Variants in EIF4E2 observed in about 807,000 individuals in gnomAD.
EIF4E2 encodes eukaryotic translation initiation factor 4E family member 2, also known as eukaryotic translation initiation factor 4E type 2.
In EIF4E2, 13 loss-of-function variants were observed where a neutral mutation model predicts 34.2. The ratio of observed to expected loss-of-function variants is 0.38; its 90% CI spans 0.25 to 0.60. EIF4E2 has a LOEUF of 0.60. Ranked by LOEUF, EIF4E2 falls within the 20% of genes least tolerant of loss-of-function variation. The pLI is 0.62. For missense variants in EIF4E2, 222 were observed against 315.1 expected (o/e 0.70, Z 2.24); for synonymous variants, 100 against 106.6 (o/e 0.94, Z 0.38).
intron 6 of EIF4E2, 86 bp from the exon 7 acceptor site, chr2:232,568,859 A>C: frequency 1.3e-5 from 20 of 1,585,324 alleles, no homozygotes; most frequent in Non-Finnish European, 1.6e-5. Context: ...CAGAAGACCA[A>C]CCCTCTTTGA....
intron 3 of EIF4E2, among the ~76,000 whole-genome samples, chr2:232,562,478 C>T (rs534767688): frequency 3.9e-5 from 6 of 151,934 alleles, no homozygotes; most frequent in South Asian, 2.1e-4. Flanking sequence ...CCCAGCTACT[C>T]GGGAGGCTGA....
intron 4 of EIF4E2, among the ~76,000 whole-genome samples, chr2:232,564,906 G>C (rs1416193782): frequency 6.6e-6 from 1 of 152,212 alleles, no homozygotes; most frequent in African/African-American, 2.4e-5. Context: ...AATGGTATTA[G>C]AACATTAAAG....
intron 6 of EIF4E2, among the ~76,000 whole-genome samples, chr2:232,578,969 TG>T (rs1448100885): frequency 3.9e-5 from 6 of 152,248 alleles, no homozygotes; most frequent in Admixed American, 3.9e-4. Flanking sequence ...AATGATTAGG[TG>T]GGCATAGACG....
rs1280657751 is a variant in EIF4E2, at chr2:232,566,332, GCCCACCA to G, written c.376-494_376-488del. 1.3e-5 allele frequency among the ~76,000 whole-genome samples: 2 copies of G among 152,026 alleles called. No homozygotes were observed. The highest frequency in any genetic ancestry group is 2.9e-5 in the Non-Finnish European group (2 of 67,996). On this transcript the variant is annotated intron_variant, in intron 4 of 6. Coordinates refer to ENST00000258416, the MANE Select transcript of EIF4E2 (RefSeq NM_004846.4). This position sits in a 1 kb window ranked among gnomAD's most constrained non-coding sequence, Gnocchi z 4.9. ...CTCCCGAGTAGCTGGGACTACAGGC[GCCCACCA>G]CCATGCCCGGCTAATTTTGTTTTTG... is the stretch of plus-strand genomic sequence containing the variant.
exon 7 of EIF4E2, chr2:232,582,713 G>A (rs1693387994): frequency 1.3e-5 from 2 of 152,242 alleles, no homozygotes; most frequent in African/African-American, 4.8e-5. Flanking sequence ...TGACTGTTGT[G>A]TGTGTGGGAA....
At chr2:232,555,940 G>A (rs1692501905) in intron 1 of EIF4E2, among the ~76,000 whole-genome samples, 1 of 56,274 alleles carries the variant, frequency 1.8e-5, no homozygotes. Context: ...GTGTCAGGAA[G>A]ACCAGGAATT....
chr2:232,559,824 T>TAAAAAAAGAAAAAAA, intron 3 of EIF4E2, among the ~76,000 whole-genome samples: 1 of 115,506 alleles, frequency 8.7e-6, no homozygotes, highest in African/African-American at 3.7e-5. Flanking sequence ...ACGGGAGCAT[T>TAAAAAAAGAAAAAAA]AAAAAAAAAA....
chr2:232,552,864 CT>C (rs1473287784), intron 1 of EIF4E2, among the ~76,000 whole-genome samples: 1 of 152,112 alleles, frequency 6.6e-6, no homozygotes, highest in Non-Finnish European at 1.5e-5. Flanking sequence ...ACTCCTGCCC[CT>C]AGTTTTATTT....
At chr2:232,567,323 GGACA>G in intron 6 of EIF4E2, 109 bp downstream of exon 6, 3 of 1,545,710 alleles carry the variant, frequency 1.9e-6, no homozygotes, top group Non-Finnish European at 2.6e-6. Context: ...TGTGGAGAAG[GGACA>G]GACCAGGCCT....
At chr2:232,564,596 GC>G (rs1443929515) in intron 4 of EIF4E2, among the ~76,000 whole-genome samples, 3 of 152,184 alleles carry the variant, frequency 2.0e-5, no homozygotes, top group Non-Finnish European at 4.4e-5. Context: ...GACTACAGGC[GC>G]CCACCACCGC....
chr2:232,556,665 A>G, intron 2 of EIF4E2, 135 bp downstream of exon 2: 2 of 668,218 alleles, frequency 3.0e-6, no homozygotes. Context: ...GTTCTCAGAA[A>G]AACATTGTGC....
intron 6 of EIF4E2, among the ~76,000 whole-genome samples, chr2:232,576,887 T>G (rs1362988956): frequency 6.6e-6 from 1 of 152,234 alleles, no homozygotes; most frequent in Non-Finnish European, 1.5e-5. Flanking sequence ...GCAGAGAAAC[T>G]GCTATTTAAA....
chr2:232,583,187 TA>T (rs2106260936), exon 7 of EIF4E2: 1 of 152,362 alleles, frequency 6.6e-6, no homozygotes, highest in Admixed American at 6.5e-5. Context: ...AGGGCCAACG[TA>T]ACCAGAATGT....
At chr2:232,561,967 C>G (rs1692741395) in intron 3 of EIF4E2, among the ~76,000 whole-genome samples, 1 of 152,074 alleles carries the variant, frequency 6.6e-6, no homozygotes, top group African/African-American at 2.4e-5. Context: ...GTAGTCCCAG[C>G]ACTCAGGGAG....
chr2:232,568,581 C>T (rs1693013863), intron 6 of EIF4E2: 5 of 985,342 alleles, frequency 5.1e-6, no homozygotes, highest in Non-Finnish European at 6.0e-6. Flanking sequence ...ATATCCCCTA[C>T]TCCCACTTAC....
At chr2:232,569,856 G>A (rs1056656710), downstream of EIF4E2, 2 of 152,196 alleles carry the variant, frequency 1.3e-5, no homozygotes, top group South Asian at 2.1e-4. Flanking sequence ...TAGGGGAAAC[G>A]TCTTCATCCC....
intron 1 of EIF4E2, chr2:232,551,207 G>A (rs1692303427): frequency 2.1e-6 from 1 of 482,158 alleles, no homozygotes; most frequent in Non-Finnish European, 4.3e-6. Flanking sequence ...AGAGTTTGGA[G>A]GATGCAATGA....
chr2:232,578,313 G>A (rs1693267578), intron 6 of EIF4E2, among the ~76,000 whole-genome samples: 1 of 152,170 alleles, frequency 6.6e-6, no homozygotes, highest in South Asian at 2.1e-4. Flanking sequence ...TGACTATAAA[G>A]TGGTCTATAT....
At chr2:232,572,925 G>A (rs1468238255), downstream of EIF4E2, among the ~76,000 whole-genome samples, 1 of 152,182 alleles carries the variant, frequency 6.6e-6, no homozygotes. Flanking sequence ...GGTTTAAAAA[G>A]GAATTTAAAT....
Sources: allele counts gnomAD v4.1 joint callset (sites outside exome capture counted in the v4.1 genomes callset), GRCh38; gene constraint gnomAD v4.1.1; non-coding constraint Gnocchi (gnomAD v3.1); transcripts MANE v1.5; gene names NCBI Gene and HGNC (gene_info 2026-07-23, HGNC 2026-07-21).